Variants in CDH4 observed in about 807,000 individuals in gnomAD.
The protein encoded by CDH4 is cadherin 4.
In CDH4, 33 loss-of-function variants were observed where a neutral mutation model predicts 86.0. The ratio of observed to expected loss-of-function variants is 0.38; its 90% CI spans 0.29 to 0.51. CDH4 has a LOEUF of 0.51. Among genes scored for constraint, CDH4 ranks in the 20% least tolerant of loss-of-function variants. The probability of loss-of-function intolerance (pLI) is 0.86; values close to 1 mark genes in which losing one functional copy is unlikely to be tolerated. For synonymous variants in CDH4, 555 were observed against 549.4 expected (o/e 1.01, Z -0.14); for missense variants, 1,114 against 1,307.4 (o/e 0.85, Z 2.28).
chr20:61,316,731 T>G (rs1301860476), intron 2 of CDH4, among the ~76,000 whole-genome samples: 2 of 152,226 alleles, frequency 1.3e-5, no homozygotes, highest in African/African-American at 4.8e-5. Context: ...GAAGTTGGAC[T>G]TTGCTGTCGT....
Position 61,501,840 on chromosome 20 carries a change from A to G in CDH4, c.170-241723A>G, listed in dbSNP as rs1041713281. ...TTTCTAGGTAAGTGATTCCGGTGCTAACGCTGGACACGTGTGTCCTTGTAT... is the reference window on the plus strand; with the variant it reads ...TTTCTAGGTAAGTGATTCCGGTGCTGACGCTGGACACGTGTGTCCTTGTAT... On this transcript the variant is annotated intron_variant, in intron 2 of 15. Transcript: ENST00000614565. The surrounding 1 kb of genome is among the most constrained non-coding windows in gnomAD (Gnocchi z 4.2). Among the ~76,000 whole-genome samples the G allele has an allele frequency of 6.6e-6, 1 of 152,092 alleles. No individual in the cohort carries two copies. Among genetic ancestry groups the G allele is most frequent in the Non-Finnish European group, 1.5e-5 (1 of 68,010 alleles).
rs147251018 is a variant in CDH4 at position 61,894,808 on chromosome 20, C to T, written c.1051-102C>T. 1.9e-4 allele frequency: 259 copies of T among 1,329,324 alleles called. 1 individual carries two copies. The East Asian group carries it at 5.7e-3, about 29-fold the overall frequency. The allele number at this position is 1,329,324 out of a possible 1,614,324, so 82.3% of individuals were successfully genotyped here. ...GCCCCCAGTGAAAGAGAACCGGTTCCAGGAACTCCGTTCCTGTAAACGGAT... is the reference window on the plus strand; with the variant it reads ...GCCCCCAGTGAAAGAGAACCGGTTCTAGGAACTCCGTTCCTGTAAACGGAT... On this transcript the variant is annotated intron_variant, in intron 7 of 15. Coordinates refer to ENST00000614565, the MANE Select transcript of CDH4 (RefSeq NM_001794.5).
intron 5 of CDH4, among the ~76,000 whole-genome samples, chr20:61,850,839 G>A (rs1166389579): frequency 2.0e-5 from 3 of 152,224 alleles, no homozygotes; most frequent in African/African-American, 7.2e-5. Flanking sequence ...GCTGTCAAAT[G>A]TATTTGAATC....
chr20:61,518,732 A>G lies in CDH4; in HGVS notation c.170-224831A>G, dbSNP rs139775672. Among the ~76,000 whole-genome samples the G allele has an allele frequency of 6.6e-4, 100 of 150,962 alleles. 1 individual carries two copies. The highest frequency in any genetic ancestry group is 2.2e-3 in the African/African-American group (92 of 40,998). On this transcript the variant is annotated intron_variant, in intron 2 of 15. Transcript: ENST00000614565. This position sits in a 1 kb window ranked among gnomAD's most constrained non-coding sequence, Gnocchi z 6.3. ...CAATCATCCATCCGTTCATCCACCC[A>G]TCATCCATTCATCCATCCATTCGTA...
At chr20:61,314,875 G>T (rs941432325) in intron 2 of CDH4, among the ~76,000 whole-genome samples, 2 of 152,220 alleles carry the variant, frequency 1.3e-5, no homozygotes, top group Non-Finnish European at 2.9e-5. Flanking sequence ...TTTCCCTGGT[G>T]ATTCGTGATA....
At chr20:61,869,958 G>A (rs539861693) in intron 6 of CDH4, among the ~76,000 whole-genome samples, 5 of 152,350 alleles carry the variant, frequency 3.3e-5, no homozygotes, top group South Asian at 2.1e-4. Context: ...CTGTGGAGGC[G>A]GAGGAGGGGG....
chr20:61,382,640 T>C (rs994701185), intron 2 of CDH4, among the ~76,000 whole-genome samples: 1 of 152,204 alleles, frequency 6.6e-6, no homozygotes, highest in Admixed American at 6.5e-5. Flanking sequence ...CAGGGCCATG[T>C]TCCCCCTGAA....
intron 2 of CDH4, among the ~76,000 whole-genome samples, chr20:61,430,691 A>G (rs1308361862): frequency 6.6e-6 from 1 of 152,072 alleles, no homozygotes. Context: ...TTCCCTCCTT[A>G]TTACCTGCTG....
At chr20:61,664,960 G>A (rs2087306394) in intron 2 of CDH4, among the ~76,000 whole-genome samples, 1 of 152,254 alleles carries the variant, frequency 6.6e-6, no homozygotes, top group South Asian at 2.1e-4. Flanking sequence ...CAAAGAGGCT[G>A]CCCAGAAAAT....
At chr20:61,836,772 G>T (rs1286708157) in intron 4 of CDH4, among the ~76,000 whole-genome samples, 1 of 152,244 alleles carries the variant, frequency 6.6e-6, no homozygotes, top group Non-Finnish European at 1.5e-5. Flanking sequence ...CAGTACCATG[G>T]CAAGGGCTTT....
chr20:61,571,011 A>T (rs1479472158), intron 2 of CDH4, among the ~76,000 whole-genome samples: 1 of 152,050 alleles, frequency 6.6e-6, no homozygotes, highest in African/African-American at 2.4e-5. Context: ...GGATGCAGAG[A>T]GTGTGGTGGA....
intron 6 of CDH4, among the ~76,000 whole-genome samples, chr20:61,855,699 C>A (rs546240862): frequency 6.6e-6 from 1 of 152,238 alleles, no homozygotes; most frequent in Non-Finnish European, 1.5e-5. Flanking sequence ...GAGCAAATTG[C>A]GGAGACGTGG....
chr20:61,901,077 C>G (rs192734210), intron 8 of CDH4, among the ~76,000 whole-genome samples: 3 of 151,936 alleles, frequency 2.0e-5, no homozygotes, highest in African/African-American at 4.8e-5. Context: ...GGGTCAACCT[C>G]TCTGTCCTTT....
At chr20:61,520,852 G>A (rs2085863726) in intron 2 of CDH4, among the ~76,000 whole-genome samples, 1 of 152,208 alleles carries the variant, frequency 6.6e-6, no homozygotes, top group Admixed American at 6.5e-5. Context: ...CACTCTGGCA[G>A]GAAAATGAAG....
intron 2 of CDH4, among the ~76,000 whole-genome samples, chr20:61,474,298 T>C (rs1232365915): frequency 1.3e-5 from 2 of 151,078 alleles, no homozygotes; most frequent in Non-Finnish European, 2.9e-5. Context: ...GTAGCTGGGA[T>C]TACAGGCGTG....
At chr20:61,863,861 G>A (rs370524517) in intron 6 of CDH4, among the ~76,000 whole-genome samples, 14 of 152,212 alleles carry the variant, frequency 9.2e-5, no homozygotes, top group Middle Eastern at 6.8e-3. Context: ...AGGCTCCTGC[G>A]GATGGAAAGA....
Position 61,544,660 on chromosome 20 carries a change from C to T in CDH4, c.170-198903C>T, listed in dbSNP as rs1364588866. Reference sequence around the variant, plus strand: ...CACGCTGCTCTACTCCGCACCGGCCCCCCTGCCTGTACTTGACCACACTCC... The same window carrying T: ...CACGCTGCTCTACTCCGCACCGGCCTCCCTGCCTGTACTTGACCACACTCC... On this transcript the variant is annotated intron_variant, in intron 2 of 15. Coordinates refer to ENST00000614565, the MANE Select transcript of CDH4 (RefSeq NM_001794.5). The surrounding 1 kb of genome is among the most constrained non-coding windows in gnomAD (Gnocchi z 6.5). 6.6e-6 allele frequency among the ~76,000 whole-genome samples: 1 copy of T among 152,088 alleles called. No individual in the cohort carries two copies. Among genetic ancestry groups the T allele is most frequent in the African/African-American group, 2.4e-5 (1 of 41,428 alleles).
rs191714714 is a variant in CDH4 at position 61,377,115 on chromosome 20, G to A, written c.169+122178G>A. ...CAAGTCTGCGTTGCCAAGGTAACTGGGGATTTGGAAGGGACAGCCAAGTGA... is the reference window on the plus strand; with the variant it reads ...CAAGTCTGCGTTGCCAAGGTAACTGAGGATTTGGAAGGGACAGCCAAGTGA... On this transcript the variant is annotated intron_variant, in intron 2 of 15. Transcript: ENST00000614565. This position sits in a 1 kb window ranked among gnomAD's most constrained non-coding sequence, Gnocchi z 4.0. 6.6e-6 allele frequency among the ~76,000 whole-genome samples: 1 copy of A among 152,270 alleles called. No homozygotes were observed. The highest frequency in any genetic ancestry group is 2.4e-5 in the African/African-American group (1 of 41,548).
intron 2 of CDH4, among the ~76,000 whole-genome samples, chr20:61,617,675 G>A (rs534444175): frequency 2.7e-4 from 41 of 152,366 alleles, no homozygotes; most frequent in Non-Finnish European, 4.7e-4. Flanking sequence ...AACGCCCTGA[G>A]CACAATCCTC....
Sources: gnomAD v4.1 joint callset for allele counts (sites outside exome capture counted in the v4.1 genomes callset) on GRCh38, gnomAD v4.1.1 for gene constraint, Gnocchi (gnomAD v3.1) non-coding constraint, MANE v1.5 for transcripts, NCBI Gene and HGNC (gene_info 2026-07-23, HGNC 2026-07-21) for gene names.